Variants in SLC9A9 observed in about 807,000 individuals in gnomAD.
SLC9A9 encodes the protein solute carrier family 9 member A9, also known as sodium/hydrogen exchanger 9.
In SLC9A9, 62 loss-of-function variants were observed where a neutral mutation model predicts 77.8. That is an observed-to-expected ratio of 0.80 (90% confidence interval 0.65 to 0.98). The LOEUF is 0.98. Among genes scored for constraint, SLC9A9 ranks in the 50% least tolerant of loss-of-function variants. The pLI is 0.00. For missense variants in SLC9A9, 775 were observed against 774.9 expected (o/e 1.00, Z 0.00); for synonymous variants, 320 against 283.5 (o/e 1.13, Z -1.29).
At chr3:143,635,147 A>T (rs1394718282) in intron 6 of SLC9A9, among the ~76,000 whole-genome samples, 1 of 152,148 alleles carries the variant, frequency 6.6e-6, no homozygotes, top group Non-Finnish European at 1.5e-5. Flanking sequence ...GGGTTGCAGG[A>T]TCCACTTCAA....
chr3:143,419,469 T>G (rs570692509), intron 12 of SLC9A9, among the ~76,000 whole-genome samples: 7 of 152,176 alleles, frequency 4.6e-5, no homozygotes, highest in Non-Finnish European at 1.0e-4. Context: ...AAATATTAAC[T>G]TCCTAGAAAA....
intron 13 of SLC9A9, among the ~76,000 whole-genome samples, chr3:143,374,968 T>G (rs1329521414): frequency 6.6e-6 from 1 of 152,166 alleles, no homozygotes; most frequent in Non-Finnish European, 1.5e-5. Flanking sequence ...ACCATCCTTC[T>G]ACTCTCTAGA....
chr3:143,345,190 A>G (rs2032224076), intron 14 of SLC9A9, among the ~76,000 whole-genome samples: 1 of 152,214 alleles, frequency 6.6e-6, no homozygotes. Flanking sequence ...TTTGAGTATA[A>G]ATTCGTTTTT....
At chr3:143,675,258 A>T (rs2039219225) in intron 5 of SLC9A9, among the ~76,000 whole-genome samples, 1 of 152,248 alleles carries the variant, frequency 6.6e-6, no homozygotes, top group South Asian at 2.1e-4. Context: ...ACTAGACCTG[A>T]GGTCTCCTAA....
At chr3:143,528,521 C>T (rs1259611325) in intron 9 of SLC9A9, among the ~76,000 whole-genome samples, 1 of 152,154 alleles carries the variant, frequency 6.6e-6, no homozygotes. Context: ...CCCGTTTTAG[C>T]ACTGAAAGTC....
At position 143,266,591 on chromosome 3, in the gene SLC9A9, A is replaced by T; in HGVS notation, c.*111T>A. 1 of 1,053,772 alleles carries T rather than the reference A, an allele frequency of 9.5e-7. No individual in the cohort carries two copies. The highest frequency in any genetic ancestry group is 1.4e-6 in the Non-Finnish European group (1 of 692,858). 65.3% of individuals were successfully genotyped at this position (1,053,772 alleles called of 1,614,324 possible). A position where few individuals can be genotyped will look rare whatever the true frequency, so the allele number is the denominator to read the frequency against. Reference sequence around the variant, plus strand: ...ACAAGGCTTTGATTCTCTCCAATTTATGCTCTTAATATGTTTTCCAGCCTC... The same window carrying T: ...ACAAGGCTTTGATTCTCTCCAATTTTTGCTCTTAATATGTTTTCCAGCCTC... On this transcript the variant is annotated 3_prime_UTR_variant, in exon 16 of 16. Transcript: ENST00000316549.
At chr3:143,791,685 T>C (rs952006981) in intron 4 of SLC9A9, among the ~76,000 whole-genome samples, 1 of 152,246 alleles carries the variant, frequency 6.6e-6, no homozygotes, top group Non-Finnish European at 1.5e-5. Flanking sequence ...CTCCACTAAA[T>C]GTCTGCCCAG....
chr3:143,620,165 T>A (rs2038176446), intron 6 of SLC9A9, among the ~76,000 whole-genome samples: 1 of 152,168 alleles, frequency 6.6e-6, no homozygotes, highest in African/African-American at 2.4e-5. Flanking sequence ...ATCTATTTCA[T>A]TTGACATGTA....
chr3:143,756,966 C>T (rs558968246), intron 4 of SLC9A9, among the ~76,000 whole-genome samples: 39 of 152,234 alleles, frequency 2.6e-4, no homozygotes, highest in South Asian at 2.3e-3. Flanking sequence ...TTTTAGAAAA[C>T]GCATAAATCA....
intron 2 of SLC9A9, among the ~76,000 whole-genome samples, chr3:143,823,699 AG>A (rs1269439449): frequency 4.6e-5 from 7 of 151,914 alleles, no homozygotes; most frequent in Non-Finnish European, 8.8e-5. Context: ...ACATTAAAAA[AG>A]ATTTCAGAAA....
At chr3:143,787,491 T>G (rs2008088638) in intron 4 of SLC9A9, among the ~76,000 whole-genome samples, 1 of 152,222 alleles carries the variant, frequency 6.6e-6, no homozygotes, top group Non-Finnish European at 1.5e-5. Flanking sequence ...CATGCTTGCA[T>G]GCTTAAACAA....
intron 12 of SLC9A9, among the ~76,000 whole-genome samples, chr3:143,460,305 T>G (rs1172011395): frequency 1.3e-5 from 2 of 152,202 alleles, no homozygotes; most frequent in Non-Finnish European, 2.9e-5. Context: ...TCAGTGTTTT[T>G]AGCTGCATTC....
intron 4 of SLC9A9, among the ~76,000 whole-genome samples, chr3:143,777,070 G>A (rs2007715314): frequency 6.6e-6 from 1 of 152,024 alleles, no homozygotes; most frequent in African/African-American, 2.4e-5. Flanking sequence ...GTCACTAAAG[G>A]GCATTTTGTG....
At chr3:143,826,308 A>T (rs976318967) in intron 2 of SLC9A9, among the ~76,000 whole-genome samples, 1 of 151,828 alleles carries the variant, frequency 6.6e-6, no homozygotes, top group Non-Finnish European at 1.5e-5. Context: ...TTCTCCTACA[A>T]ATCAACTCCT....
intron 8 of SLC9A9, among the ~76,000 whole-genome samples, chr3:143,566,822 C>A (rs1366176742): frequency 1.3e-5 from 2 of 152,046 alleles, no homozygotes; most frequent in Non-Finnish European, 2.9e-5. Flanking sequence ...TAATGACAGT[C>A]CCTGAAAGTT....
At chr3:143,465,324 T>A (rs1357402643) in intron 12 of SLC9A9, among the ~76,000 whole-genome samples, 1 of 152,218 alleles carries the variant, frequency 6.6e-6, no homozygotes, top group African/African-American at 2.4e-5. Context: ...CCCACTATAA[T>A]ACTCCCCTCT....
chr3:143,453,215 G>C (rs1313978573), intron 12 of SLC9A9, among the ~76,000 whole-genome samples: 1 of 151,870 alleles, frequency 6.6e-6, no homozygotes, highest in Non-Finnish European at 1.5e-5. Context: ...GGTGACAGAA[G>C]ACACACCATT....
chr3:143,385,137 C>A (rs888443486), intron 12 of SLC9A9, among the ~76,000 whole-genome samples: 2 of 151,522 alleles, frequency 1.3e-5, no homozygotes, highest in Non-Finnish European at 3.0e-5. Context: ...TGGTCCCTGA[C>A]TACTGTCTTT....
intron 11 of SLC9A9, among the ~76,000 whole-genome samples, chr3:143,474,877 C>T (rs543554503): frequency 6.6e-6 from 1 of 152,092 alleles, no homozygotes; most frequent in South Asian, 2.1e-4. Context: ...TCCCCTGAGT[C>T]ATCCCTTGGC....
Sources: gnomAD v4.1 joint callset for allele counts (sites outside exome capture counted in the v4.1 genomes callset) on GRCh38, gnomAD v4.1.1 for gene constraint, MANE v1.5 for transcripts, NCBI Gene and HGNC (gene_info 2026-07-23, HGNC 2026-07-21) for gene names.